FAM107B: variants seen among roughly 807,000 people sequenced by gnomAD.
FAM107B encodes the protein protein FAM107B.
In FAM107B, 21 loss-of-function variants were observed where a neutral mutation model predicts 31.5. The ratio of observed to expected loss-of-function variants is 0.67; its 90% confidence interval spans 0.47 to 0.96. The LOEUF is 0.96. Among genes scored for constraint, FAM107B ranks in the 40% least tolerant of loss-of-function variants. The pLI, the probability that FAM107B is intolerant of heterozygous loss-of-function variation, is 0.00. For missense variants in FAM107B, 452 were observed against 377.1 expected, an observed-to-expected ratio of 1.20 and a Z score of -1.64; for synonymous variants, 157 against 141.5, an observed-to-expected ratio of 1.11 and a Z score of -0.78.
intron 2 of FAM107B, among the ~76,000 whole-genome samples, chr10:14,574,785 C>G (rs1371128488): frequency 6.6e-6 from 1 of 152,134 alleles, no homozygotes; most frequent in Non-Finnish European, 1.5e-5. Context: ...CATCTCCACC[C>G]CCAACACAAG....
At chr10:14,763,724 T>C (rs1353762961) in intron 1 of FAM107B, among the ~76,000 whole-genome samples, 1 of 152,218 alleles carries the variant, frequency 6.6e-6, no homozygotes, top group Non-Finnish European at 1.5e-5. Context: ...TCTAAGCCAC[T>C]GGTGACCTTG....
chr10:14,617,926 G>C (rs1376938656), intron 2 of FAM107B, among the ~76,000 whole-genome samples: 1 of 152,154 alleles, frequency 6.6e-6, no homozygotes, highest in Non-Finnish European at 1.5e-5. Context: ...CCAGCTTCTT[G>C]AAGTGAAATT....
intron 2 of FAM107B, among the ~76,000 whole-genome samples, chr10:14,579,802 A>T (rs2131300890): frequency 6.6e-6 from 1 of 152,284 alleles, no homozygotes; most frequent in African/African-American, 2.4e-5. Context: ...AGGACAGATC[A>T]CTTGAGGTCA....
intron 1 of FAM107B, among the ~76,000 whole-genome samples, chr10:14,767,091 GAGAGAGAGAC>G (rs1213637972): frequency 1.4e-4 from 15 of 110,612 alleles, no homozygotes; most frequent in African/African-American, 5.2e-4. Context: ...GAGAGAGAGA[GAGAGAGAGAC>G]AGAGAGAGAG....
intron 1 of FAM107B, among the ~76,000 whole-genome samples, chr10:14,704,445 T>G (rs961789014): frequency 6.6e-6 from 1 of 152,220 alleles, no homozygotes; most frequent in African/African-American, 2.4e-5. Flanking sequence ...TATTGTGTGG[T>G]TGTAGCCTAT....
intron 2 of FAM107B, chr10:14,604,410 C>G (rs1852524123): frequency 4.8e-6 from 1 of 209,288 alleles, no homozygotes; most frequent in Non-Finnish European, 8.2e-6. Flanking sequence ...TCGCTCCCCG[C>G]GGCCCCGCGC....
intron 2 of FAM107B, among the ~76,000 whole-genome samples, chr10:14,611,778 G>T (rs975914189): frequency 6.6e-6 from 1 of 151,520 alleles, no homozygotes; most frequent in Non-Finnish European, 1.5e-5. Context: ...AGTTCATCTC[G>T]TCTGGAGCTC....
chr10:14,628,584 T>C (rs894341535), intron 2 of FAM107B, among the ~76,000 whole-genome samples: 2 of 152,242 alleles, frequency 1.3e-5, no homozygotes, highest in Admixed American at 6.5e-5. Flanking sequence ...CTGTAATTGG[T>C]TCTTTGGTGG....
intron 1 of FAM107B, among the ~76,000 whole-genome samples, chr10:14,685,361 C>T (rs1182888828): frequency 6.6e-6 from 1 of 151,878 alleles, no homozygotes; most frequent in East Asian, 1.9e-4. Flanking sequence ...GTTGCCCAGA[C>T]TGACCTCAAA....
chr10:14,619,677 C>T (rs10737088), intron 2 of FAM107B, among the ~76,000 whole-genome samples: 140,182 of 144,890 alleles, frequency 0.97, 67,989 homozygotes, highest in Middle Eastern at 1. Flanking sequence ...TTATCCATGC[C>T]TTCTTTTACG....
chr10:14,574,813 A>C (rs1851414003), intron 2 of FAM107B, among the ~76,000 whole-genome samples: 1 of 152,184 alleles, frequency 6.6e-6, no homozygotes, highest in African/African-American at 2.4e-5. Context: ...TGGCCCTATA[A>C]ATTCTGTATG....
intron 2 of FAM107B, among the ~76,000 whole-genome samples, chr10:14,584,123 T>C (rs943415327): frequency 3.9e-5 from 6 of 152,168 alleles, no homozygotes; most frequent in African/African-American, 1.2e-4. Context: ...AGACAGGCCC[T>C]CCTGATGCCC....
intron 1 of FAM107B, among the ~76,000 whole-genome samples, chr10:14,712,510 T>C (rs140129396): frequency 0.11 from 16,685 of 151,388 alleles, 1,306 homozygotes; most frequent in African/African-American, 0.22. Context: ...AGGAGAATCG[T>C]TTGAACCCGG....
At chr10:14,660,144 T>G (rs1854194287) in intron 2 of FAM107B, among the ~76,000 whole-genome samples, 1 of 152,130 alleles carries the variant, frequency 6.6e-6, no homozygotes, top group Non-Finnish European at 1.5e-5. Flanking sequence ...ACTTACAGGA[T>G]TCTCCCCTCG....
At chr10:14,679,429 CAA>C (rs58177871) in intron 1 of FAM107B, among the ~76,000 whole-genome samples, 52,801 of 151,328 alleles carry the variant, frequency 0.35, 10,180 homozygotes, top group Non-Finnish European at 0.43. Flanking sequence ...CTGGACCTGG[CAA>C]AAAAAAGTTG....
chr10:14,611,289 G>A (rs558834698), intron 2 of FAM107B, among the ~76,000 whole-genome samples: 1 of 152,116 alleles, frequency 6.6e-6, no homozygotes, highest in South Asian at 2.1e-4. Flanking sequence ...TAAGCAATAT[G>A]AAGATAATTT....
chr10:14,748,541 T>A (rs1057220924), intron 1 of FAM107B, among the ~76,000 whole-genome samples: 18 of 152,192 alleles, frequency 1.2e-4, no homozygotes, highest in African/African-American at 3.6e-4. Context: ...CAAGACTGAA[T>A]GGGAAGCTAG....
intron 1 of FAM107B, among the ~76,000 whole-genome samples, chr10:14,674,749 G>C (rs548132592): frequency 6.6e-5 from 10 of 152,084 alleles, no homozygotes; most frequent in Non-Finnish European, 1.3e-4. Flanking sequence ...GTTTTGTTGA[G>C]ACAGGGTCTC....
chr10:14,716,147 T>C (rs1423963532), intron 1 of FAM107B, among the ~76,000 whole-genome samples: 2 of 152,226 alleles, frequency 1.3e-5, no homozygotes, highest in South Asian at 4.1e-4. Flanking sequence ...ATAATCTACC[T>C]GGCTTTTGTG....
Sources: gnomAD v4.1 joint callset for allele counts (sites outside exome capture counted in the v4.1 genomes callset) on GRCh38, gnomAD v4.1.1 for gene constraint, MANE v1.5 for transcripts, NCBI Gene and HGNC (gene_info 2026-07-23, HGNC 2026-07-21) for gene names.